The following EPB41L2 variants were observed in gnomAD, a reference collection of about 807,000 sequenced individuals.
EPB41L2 encodes the protein band 4.1-like protein 2.
A neutral mutation model predicts 113.0 loss-of-function variants in EPB41L2; 43 were observed. That is an observed-to-expected ratio of 0.38 (90% CI 0.30 to 0.49). The LOEUF is 0.49. EPB41L2 is among the 20% of genes least tolerant of loss of function. The pLI is 0.95. For missense variants in EPB41L2, 1,147 were observed against 1,223.4 expected (o/e 0.94, Z 0.93); for synonymous variants, 442 against 436.7 (o/e 1.01, Z -0.15).
chr6:130,906,195 T>C (rs9483190), intron 5 of EPB41L2, among the ~76,000 whole-genome samples: 6,474 of 152,266 alleles, frequency 0.043, 465 homozygotes, highest in African/African-American at 0.14. Context: ...TTGTTTGTTT[T>C]CTAGGTAATA....
chr6:130,885,281 G>A lies in EPB41L2; in HGVS notation c.1661-13C>T. On this transcript the variant is annotated splice_polypyrimidine_tract_variant and intron_variant, in intron 11 of 19. Coordinates refer to ENST00000337057, the MANE Select transcript of EPB41L2 (RefSeq NM_001431.4). Reference sequence around the variant, plus strand: ...ACACCAATCGGAGCTAGTAAAGAGTGACAATTTTGGATTATTTTAGGACAT... The same window carrying A: ...ACACCAATCGGAGCTAGTAAAGAGTAACAATTTTGGATTATTTTAGGACAT... 2 of 1,613,724 alleles carry A rather than the reference G, an allele frequency of 1.2e-6. No individual in the cohort carries two copies. Among genetic ancestry groups the A allele is most frequent in the Non-Finnish European group, 1.7e-6 (2 of 1,179,802 alleles).
chr6:130,969,262 C>T (rs745462026), intron 1 of EPB41L2, among the ~76,000 whole-genome samples: 2 of 152,018 alleles, frequency 1.3e-5, no homozygotes, highest in East Asian at 3.9e-4. Context: ...ACACATGTAC[C>T]CCCCTCAAAA....
At chr6:131,044,588 C>T (rs1294315013) in intron 1 of EPB41L2, among the ~76,000 whole-genome samples, 1 of 151,834 alleles carries the variant, frequency 6.6e-6, no homozygotes, top group African/African-American at 2.4e-5. Context: ...TGGAAGATAC[C>T]CCGGTGGTCA....
intron 1 of EPB41L2, among the ~76,000 whole-genome samples, chr6:130,968,579 C>T (rs1312430852): frequency 1.3e-5 from 2 of 152,150 alleles, no homozygotes; most frequent in African/African-American, 2.4e-5. Flanking sequence ...CAAATGTTGG[C>T]CCCAGTCCAC....
At chr6:130,906,720 C>T (rs1797838673) in intron 5 of EPB41L2, among the ~76,000 whole-genome samples, 1 of 152,176 alleles carries the variant, frequency 6.6e-6, no homozygotes, top group South Asian at 2.1e-4. Flanking sequence ...TCTTCGCTAA[C>T]TGCCTATGAG....
chr6:130,905,304 G>C (rs1043811588), intron 5 of EPB41L2, among the ~76,000 whole-genome samples: 1 of 151,904 alleles, frequency 6.6e-6, no homozygotes, highest in Non-Finnish European at 1.5e-5. Context: ...TGGGGGAAAG[G>C]GCAGGTATTA....
At position 130,955,278 on chromosome 6, in the gene EPB41L2, T is replaced by C. The variant is rs977715483; in HGVS notation, c.532A>G (p.Lys178Glu). Residue 178 changes from lysine to glutamate, a missense_variant, in exon 3 of 20, where the codon AAA (lysine) becomes GAA (glutamate). Physicochemically the swap from Lys to Glu is moderately conservative, Grantham distance 56. Transcript: ENST00000337057. ...LVSKEREEKV[K>E]ETQEDKLEGG... is the part of the protein sequence containing the mutation. ...TCTAATTTGTCTTCCTGTGTTTCTT[T>C]TACCTTCTCTTCTCTCTCCTTACTT... 19 of 1,613,960 alleles carry C rather than the reference T, an allele frequency of 1.2e-5. No homozygotes were observed. Among genetic ancestry groups the C allele is most frequent in the African/African-American group, 4.0e-5 (3 of 74,886 alleles).
Position 130,840,547 on chromosome 6 carries a change from C to A in EPB41L2, c.*57G>T, listed in dbSNP as rs187556692. On this transcript the variant is annotated 3_prime_UTR_variant, in exon 20 of 20. Transcript: ENST00000337057. ...GTGTGGCATTAAGACTTGGAACGGTCAAAAAATCTTCAGGGGTTCACAAAG... is the reference window on the plus strand; with the variant it reads ...GTGTGGCATTAAGACTTGGAACGGTAAAAAAATCTTCAGGGGTTCACAAAG... The A allele has an allele frequency of 1.5e-5, 2 of 129,042 alleles. No homozygotes were observed. Among genetic ancestry groups the A allele is most frequent in the African/African-American group, 5.8e-5 (2 of 34,508 alleles). 8.0% of individuals were successfully genotyped at this position (129,042 alleles called of 1,614,324 possible).
At chr6:131,010,595 T>C (rs1786704136) in intron 1 of EPB41L2, among the ~76,000 whole-genome samples, 2 of 151,956 alleles carry the variant, frequency 1.3e-5, no homozygotes, top group South Asian at 2.1e-4. Context: ...GTATTTTTAG[T>C]AGAGACGGGG....
chr6:131,046,339 G>C (rs1312031719), intron 1 of EPB41L2, among the ~76,000 whole-genome samples: 1 of 152,038 alleles, frequency 6.6e-6, no homozygotes, highest in Non-Finnish European at 1.5e-5. Flanking sequence ...AGAGAAAACA[G>C]ACACACAAAG....
At position 130,890,490 on chromosome 6, in the gene EPB41L2, A is replaced by AG. The variant is rs755837136; in HGVS notation, c.1488-25_1488-24insC. On this transcript the variant is annotated intron_variant, in intron 10 of 19. Coordinates refer to ENST00000337057, the MANE Select transcript of EPB41L2 (RefSeq NM_001431.4). ...GCCTATGGGAGGAAAAAAAAAAAAAAAGAGAGAGAGAAAGGGGAAGCAAAA... is the reference window on the plus strand; with the variant it reads ...GCCTATGGGAGGAAAAAAAAAAAAAAGAGAGAGAGAGAAAGGGGAAGCAAAA... 157 of 1,508,438 alleles carry AG rather than the reference A, an allele frequency of 1.0e-4. No individual in the cohort carries two copies. In the African/African-American group the frequency reaches 1.1e-3, roughly 11 times the overall value. The allele number at this position is 1,508,438 out of a possible 1,614,324, so 93.4% of individuals were successfully genotyped here. A position where few individuals can be genotyped will look rare whatever the true frequency, so the allele number is the denominator to read the frequency against.
intron 19 of EPB41L2, among the ~76,000 whole-genome samples, chr6:130,845,467 T>C (rs1327829083): frequency 7.2e-5 from 11 of 152,142 alleles, no homozygotes; most frequent in Non-Finnish European, 1.6e-4. Flanking sequence ...AGCCTTGAAC[T>C]CCTGGACTCA....
At position 130,890,264 on chromosome 6, in the gene EPB41L2, G is replaced by C. The variant is rs1424870022; in HGVS notation, c.1660+30C>G. ...CTCATGGGATTAGAGAAAGATGAAT[G>C]AAAATCAAAATTATCATAAATGTGT... On this transcript the variant is annotated intron_variant, in intron 11 of 19. Transcript: ENST00000337057. 1.9e-6 allele frequency: 3 copies of C among 1,582,870 alleles called. No individual in the cohort carries two copies. The East Asian group carries it at 6.8e-5, about 36-fold the overall frequency.
intron 4 of EPB41L2, among the ~76,000 whole-genome samples, chr6:130,923,785 C>T (rs1462296544): frequency 4.6e-5 from 7 of 152,208 alleles, no homozygotes; most frequent in African/African-American, 1.4e-4. Context: ...GCCTCAGCAG[C>T]GAGCACGCTG....
intron 1 of EPB41L2, among the ~76,000 whole-genome samples, chr6:130,963,835 A>C (rs1774255469): frequency 1.3e-5 from 2 of 152,162 alleles, no homozygotes; most frequent in African/African-American, 4.8e-5. Flanking sequence ...CTGGCAATCC[A>C]ACAACACACA....
chr6:131,052,219 G>A (rs1796710275), intron 1 of EPB41L2, among the ~76,000 whole-genome samples: 1 of 152,280 alleles, frequency 6.6e-6, no homozygotes, highest in South Asian at 2.1e-4. Context: ...TTACAGGCAT[G>A]AGCCACTGCA....
intron 10 of EPB41L2, among the ~76,000 whole-genome samples, chr6:130,890,867 A>G (rs3777446): frequency 0.76 from 115,048 of 152,158 alleles, 43,944 homozygotes; most frequent in East Asian, 0.98. Context: ...TTCTCCTGGG[A>G]AGAAAACATC....
chr6:130,939,824 G>T (rs1327460438), intron 3 of EPB41L2, among the ~76,000 whole-genome samples: 2 of 152,156 alleles, frequency 1.3e-5, no homozygotes, highest in African/African-American at 4.8e-5. Context: ...ATATTCAGGG[G>T]AAGAGTCCAC....
intron 1 of EPB41L2, among the ~76,000 whole-genome samples, chr6:130,990,370 A>G (rs558200517): frequency 6.6e-6 from 1 of 152,146 alleles, no homozygotes; most frequent in Non-Finnish European, 1.5e-5. Flanking sequence ...AGAGAAAAAC[A>G]TATCTAGAGG....
Sources: allele counts gnomAD v4.1 joint callset (sites outside exome capture counted in the v4.1 genomes callset), GRCh38; gene constraint gnomAD v4.1.1; transcripts MANE v1.5; gene names NCBI Gene and HGNC (gene_info 2026-07-23, HGNC 2026-07-21).